Variants in PSPC1 observed in about 807,000 individuals in gnomAD.
PSPC1 encodes paraspeckle component 1, also known as paraspeckle protein 1.
In PSPC1, 14 loss-of-function variants were observed where a neutral mutation model predicts 51.6. The observed-to-expected ratio is 0.27, with a 90% CI of 0.18 to 0.42. The LOEUF (loss-of-function observed/expected upper bound fraction) is 0.42, where lower values mean the gene tolerates loss of function less well. PSPC1 is among the 10% of genes least tolerant of loss of function. PSPC1 has a pLI of 1.00. For missense variants in PSPC1, 406 were observed against 701.1 expected (o/e 0.58, Z 4.75); for synonymous variants, 193 against 231.9 (o/e 0.83, Z 1.53).
chr13:19,782,043 C>T lies in PSPC1; in HGVS notation c.372+343G>A, dbSNP rs994907275. ...CCCTGTCCCCGGACCCTTTCGGTAC[C>T]CGGGGCAACGGGGAACCCGGGAGCG... On this transcript the variant is annotated intron_variant, in intron 1 of 8. Coordinates refer to ENST00000338910, the MANE Select transcript of PSPC1 (RefSeq NM_001354909.2). This position sits in a 1 kb window ranked among gnomAD's most constrained non-coding sequence, Gnocchi z 4.5. Among the ~76,000 whole-genome samples, 1 of 152,222 alleles carries T rather than the reference C, an allele frequency of 6.6e-6. No individual in the cohort carries two copies. The highest frequency in any genetic ancestry group is 1.5e-5 in the Non-Finnish European group (1 of 68,040).
chr13:19,708,328 T>C (rs1389395080), intron 7 of PSPC1, among the ~76,000 whole-genome samples: 1 of 152,262 alleles, frequency 6.6e-6, no homozygotes, highest in African/African-American at 2.4e-5. Flanking sequence ...GCCATGGTAG[T>C]GTAATCTTTG....
chr13:19,715,538 T>C (rs1881986559), intron 6 of PSPC1, among the ~76,000 whole-genome samples: 1 of 152,220 alleles, frequency 6.6e-6, no homozygotes, highest in African/African-American at 2.4e-5. Context: ...GATTCCATAC[T>C]TGACCTCATG....
At chr13:19,747,650 A>AT (rs1480652635) in intron 4 of PSPC1, among the ~76,000 whole-genome samples, 1 of 152,150 alleles carries the variant, frequency 6.6e-6, no homozygotes, top group Admixed American at 6.6e-5. Context: ...TGTTGTTACG[A>AT]TTTTTGGGTT....
At chr13:19,687,239 T>C (rs1455872525) in intron 6 of PSPC1, among the ~76,000 whole-genome samples, 1 of 152,042 alleles carries the variant, frequency 6.6e-6, no homozygotes, top group Non-Finnish European at 1.5e-5. Context: ...AAGCCATCTT[T>C]AGTATATGTT....
chr13:19,712,021 C>T (rs919266216), intron 6 of PSPC1, among the ~76,000 whole-genome samples: 2 of 152,080 alleles, frequency 1.3e-5, no homozygotes, highest in Non-Finnish European at 2.9e-5. Flanking sequence ...ACTGATAAAA[C>T]TTAAGAATGC....
chr13:19,752,597 TA>T lies in PSPC1; in HGVS notation c.771-1131del, dbSNP rs1422942549. On this transcript the variant is annotated intron_variant, in intron 3 of 8. Coordinates refer to ENST00000338910, the MANE Select transcript of PSPC1 (RefSeq NM_001354909.2). Reference sequence around the variant, plus strand: ...TCACTTTTTTATTTATTTATTTATTTATTTTTGAGACACAGTCTCACAGTAT... The same window carrying T: ...TCACTTTTTTATTTATTTATTTATTTTTTTTGAGACACAGTCTCACAGTAT... 4.0e-4 allele frequency among the ~76,000 whole-genome samples: 60 copies of T among 151,810 alleles called. 1 individual carries two copies. Among genetic ancestry groups the T allele is most frequent in the African/African-American group, 1.3e-3 (54 of 41,432 alleles).
At chr13:19,754,384 C>T (rs1214537172) in intron 3 of PSPC1, among the ~76,000 whole-genome samples, 4 of 151,448 alleles carry the variant, frequency 2.6e-5, no homozygotes, top group Non-Finnish European at 5.9e-5. Flanking sequence ...CTGCGCCCAG[C>T]CTTGTGAGCA....
chr13:19,719,109 CTT>C lies in PSPC1; in HGVS notation c.1159-9512_1159-9511del, dbSNP rs551361689. 7.8e-3 allele frequency among the ~76,000 whole-genome samples: 1,158 copies of C among 148,830 alleles called. 14 individuals are homozygous for C. Among genetic ancestry groups the C allele is most frequent in the African/African-American group, 0.027 (1,110 of 40,540 alleles). On this transcript the variant is annotated intron_variant, in intron 6 of 8. Transcript: ENST00000338910. ...AGCAAATCTAAAGGTAAACGATAGA[CTT>C]TGGTTGATAAGCACGTGTCAATGTA...
intron 2 of PSPC1, among the ~76,000 whole-genome samples, chr13:19,771,139 T>C (rs544878240): frequency 1.3e-5 from 2 of 151,844 alleles, no homozygotes; most frequent in Admixed American, 6.6e-5. Context: ...GTTGTTGTTG[T>C]TTTTGGTTTT....
At chr13:19,702,019 A>G (rs1278729883), downstream of PSPC1, among the ~76,000 whole-genome samples, 1 of 152,202 alleles carries the variant, frequency 6.6e-6, no homozygotes, top group Non-Finnish European at 1.5e-5. Flanking sequence ...TGATAGTGAA[A>G]GGAGCTAATC....
At position 19,782,720 on chromosome 13, in the gene PSPC1, T is replaced by A; in HGVS notation, c.38A>T (p.Glu13Val). The change falls in exon 1 of 9, where the codon GAG becomes GTG. Residue 13 changes from glutamate to valine, a missense_variant. Physicochemically the swap from Glu to Val is moderately radical, Grantham distance 121. This residue lies in a region of PSPC1 where 128 missense variants were observed against 107.1 expected (regional missense o/e 1.20). Coordinates refer to ENST00000338910, the MANE Select transcript of PSPC1 (RefSeq NM_001354909.2). The surrounding 1 kb of genome is among the most constrained non-coding windows in gnomAD (Gnocchi z 4.5). ...LRGNLKQVRI[E>V]KNPARLRALE... ...GGCGCGAAGGCGGGCCGGGTTTTTC[T>A]CAATGCGCACTTGCTTCAGGTTTCC... is the stretch of plus-strand genomic sequence containing the variant. 6.4e-7 allele frequency: 1 copy of A among 1,569,190 alleles called. No individual in the cohort carries two copies. Among genetic ancestry groups the A allele is most frequent in the Non-Finnish European group, 8.6e-7 (1 of 1,169,112 alleles).
intron 1 of PSPC1, among the ~76,000 whole-genome samples, chr13:19,775,955 G>A (rs888824215): frequency 1.3e-5 from 2 of 152,074 alleles, no homozygotes; most frequent in Non-Finnish European, 2.9e-5. Flanking sequence ...GGAGGCTGAG[G>A]CAGGAGAATG....
chr13:19,753,795 CA>C lies in PSPC1; in HGVS notation c.771-2329del, dbSNP rs201575772. On this transcript the variant is annotated intron_variant, in intron 3 of 8. Coordinates refer to ENST00000338910, the MANE Select transcript of PSPC1 (RefSeq NM_001354909.2). ...TATTCAGAAGCATGTGAAGAAAAAT[CA>C]AAGACAGCCATGATCCTAGGGACTC... 2.5e-3 allele frequency among the ~76,000 whole-genome samples: 384 copies of C among 152,130 alleles called. 1 individual carries two copies. Among genetic ancestry groups the C allele is most frequent in the African/African-American group, 8.6e-3 (358 of 41,520 alleles).
chr13:19,701,472 T>C (rs1879896671), downstream of PSPC1, among the ~76,000 whole-genome samples: 1 of 152,094 alleles, frequency 6.6e-6, no homozygotes, highest in Non-Finnish European at 1.5e-5. Context: ...GAATAGTCTT[T>C]GACTATTATT....
chr13:19,781,131 G>C (rs995371955), intron 1 of PSPC1, among the ~76,000 whole-genome samples: 8 of 147,520 alleles, frequency 5.4e-5, no homozygotes, highest in African/African-American at 2.0e-4. Flanking sequence ...GGGTGATAGA[G>C]CGAGACCCAG....
intron 3 of PSPC1, among the ~76,000 whole-genome samples, chr13:19,754,564 C>T (rs1365388004): frequency 5.3e-5 from 8 of 151,142 alleles, no homozygotes; most frequent in East Asian, 2.0e-4. Flanking sequence ...CTCAGCCTCC[C>T]GAATAGCTGG....
In PSPC1 at chr13:19,782,917, G is replaced by A. The variant is rs878913724; in HGVS notation, c.-160C>T. ...GGCAACCCGTCCTCCCCCAACTCAC[G>A]CCCGCTGCAGCTGCACATTCAAAAT... On this transcript the variant is annotated 5_prime_UTR_variant, in exon 1 of 9. Transcript: ENST00000338910. The surrounding 1 kb of genome is among the most constrained non-coding windows in gnomAD (Gnocchi z 4.5). 3 of 688,814 alleles carry A rather than the reference G, an allele frequency of 4.4e-6. No homozygotes were observed. Among genetic ancestry groups the A allele is most frequent in the East Asian group, 3.1e-5 (1 of 32,438 alleles). The allele number at this position is 688,814 out of a possible 1,614,324, so 42.7% of individuals were successfully genotyped here.
chr13:19,781,450 G>A (rs1368805787), intron 1 of PSPC1, among the ~76,000 whole-genome samples: 1 of 152,102 alleles, frequency 6.6e-6, no homozygotes, highest in East Asian at 1.9e-4. Flanking sequence ...TTAAAAGAGA[G>A]TAAGCTATAT....
At chr13:19,781,258 G>A (rs1566066094) in intron 1 of PSPC1, among the ~76,000 whole-genome samples, 2 of 151,794 alleles carry the variant, frequency 1.3e-5, no homozygotes, top group Non-Finnish European at 2.9e-5. Flanking sequence ...GCTCACTGCA[G>A]CCTCTGCCTC....
Sources: allele counts gnomAD v4.1 joint callset (sites outside exome capture counted in the v4.1 genomes callset), GRCh38; gene constraint gnomAD v4.1.1; regional missense constraint gnomAD v4.1.1; non-coding constraint Gnocchi (gnomAD v3.1); transcripts MANE v1.5; gene names NCBI Gene and HGNC (gene_info 2026-07-23, HGNC 2026-07-21).